PALM2AKAP2: variants seen among roughly 807,000 people sequenced by gnomAD.
The protein encoded by PALM2AKAP2 is PALM2 and AKAP2 fusion.
A neutral mutation model predicts 71.5 loss-of-function variants in PALM2AKAP2; 37 were observed. The ratio of observed to expected loss-of-function variants is 0.52; its 90% confidence interval spans 0.40 to 0.68. PALM2AKAP2 has a LOEUF of 0.68. PALM2AKAP2 is among the 30% of genes least tolerant of loss of function. PALM2AKAP2 has a pLI of 0.00. For synonymous variants in PALM2AKAP2, 468 were observed against 478.8 expected, an observed-to-expected ratio of 0.98 and a Z score of 0.29; for missense variants, 1,224 against 1,191.8, an observed-to-expected ratio of 1.03 and a Z score of -0.40.
chr9:109,934,727 G>A (rs896735725), intron 6 of PALM2AKAP2, among the ~76,000 whole-genome samples: 8 of 152,326 alleles, frequency 5.3e-5, no homozygotes, highest in Non-Finnish European at 1.0e-4. Context: ...CATTTCATGT[G>A]TGCCACTGCT....
chr9:109,870,015 G>C (rs1290132105), intron 2 of PALM2AKAP2, among the ~76,000 whole-genome samples: 1 of 152,132 alleles, frequency 6.6e-6, no homozygotes, highest in African/African-American at 2.4e-5. Context: ...AAGCTCAGAG[G>C]TTCCAAAGGT....
intron 1 of PALM2AKAP2, among the ~76,000 whole-genome samples, chr9:110,068,198 G>A (rs1416167700): frequency 6.9e-6 from 1 of 144,546 alleles, no homozygotes; most frequent in Non-Finnish European, 1.5e-5. Context: ...TCTTAGTTAA[G>A]TAAACTTTCA....
At chr9:110,109,928 G>C (rs900198604) in intron 1 of PALM2AKAP2, among the ~76,000 whole-genome samples, 1 of 152,218 alleles carries the variant, frequency 6.6e-6, no homozygotes, top group Non-Finnish European at 1.5e-5. Flanking sequence ...GTTGGAGAGA[G>C]GGACTGGCTG....
chr9:110,055,241 G>C (rs2132522737), intron 1 of PALM2AKAP2, among the ~76,000 whole-genome samples: 1 of 151,698 alleles, frequency 6.6e-6, no homozygotes, highest in South Asian at 2.1e-4. Flanking sequence ...TGTTGCCCAG[G>C]CTGGAGTGCA....
intron 1 of PALM2AKAP2, among the ~76,000 whole-genome samples, chr9:109,644,682 C>G (rs1470100259): frequency 6.6e-6 from 1 of 152,218 alleles, no homozygotes; most frequent in African/African-American, 2.4e-5. Context: ...CCCAAGTCAC[C>G]TCTTGAATGC....
intron 1 of PALM2AKAP2, among the ~76,000 whole-genome samples, chr9:109,807,815 T>C (rs1827621920): frequency 6.6e-6 from 1 of 152,172 alleles, no homozygotes; most frequent in South Asian, 2.1e-4. Context: ...TGGGAAGGAC[T>C]ATGTGGGAGA....
intron 1 of PALM2AKAP2, among the ~76,000 whole-genome samples, chr9:109,739,332 C>T (rs984146753): frequency 6.6e-6 from 1 of 152,016 alleles, no homozygotes. Flanking sequence ...GAAGTGTGGC[C>T]TCATGTTTTA....
intron 1 of PALM2AKAP2, among the ~76,000 whole-genome samples, chr9:110,127,391 G>T (rs1023838118): frequency 1.3e-5 from 2 of 152,150 alleles, no homozygotes; most frequent in African/African-American, 4.8e-5. Context: ...GCCAGGAGGG[G>T]AGGCTCTAGC....
chr9:109,952,123 A>C (rs1042346554), intron 6 of PALM2AKAP2, among the ~76,000 whole-genome samples: 1 of 152,266 alleles, frequency 6.6e-6, no homozygotes, highest in South Asian at 2.1e-4. Context: ...TCTCTGTTAC[A>C]ACTACTCAGC....
At chr9:109,941,927 G>A (rs1831380556) in intron 6 of PALM2AKAP2, among the ~76,000 whole-genome samples, 1 of 152,162 alleles carries the variant, frequency 6.6e-6, no homozygotes, top group African/African-American at 2.4e-5. Context: ...GATGGGAAAG[G>A]TATTAATGGA....
chr9:109,756,769 T>C (rs900426644), intron 1 of PALM2AKAP2, among the ~76,000 whole-genome samples: 15 of 152,188 alleles, frequency 9.9e-5, no homozygotes, highest in African/African-American at 3.4e-4. Flanking sequence ...ATTTATCATA[T>C]ACTGATTGCT....
intron 1 of PALM2AKAP2, among the ~76,000 whole-genome samples, chr9:109,658,090 G>T (rs553917023): frequency 1.3e-5 from 2 of 152,196 alleles, no homozygotes; most frequent in South Asian, 2.1e-4. Flanking sequence ...ACCCTTGTTT[G>T]GGGGTGGGAA....
intron 1 of PALM2AKAP2, among the ~76,000 whole-genome samples, chr9:109,655,293 G>A (rs1264858154): frequency 1.3e-5 from 1 of 77,574 alleles, no homozygotes. Context: ...AGCGAGACTC[G>A]GTCTCAAAAA....
In PALM2AKAP2 at chr9:110,122,087, T is replaced by G. The variant is rs562716285; in HGVS notation, c.157-14040T>G. Among the ~76,000 whole-genome samples, 208 of 152,326 alleles carry G rather than the reference T, an allele frequency of 1.4e-3. 2 individuals carry two copies. The highest frequency in any genetic ancestry group is 4.9e-3 in the African/African-American group (204 of 41,564). ...CATTACAGACACTTCTTAAGGTTTT[T>G]TCTTTTTTGATCATGGCTCACTGTA... On this transcript the variant is annotated intron_variant, in intron 1 of 3. Transcript: ENST00000374525.
At chr9:109,813,429 C>T (rs939030032) in intron 1 of PALM2AKAP2, among the ~76,000 whole-genome samples, 1 of 152,168 alleles carries the variant, frequency 6.6e-6, no homozygotes, top group Non-Finnish European at 1.5e-5. Flanking sequence ...CCTCTGGTTG[C>T]GTTGTTCATC....
intron 1 of PALM2AKAP2, among the ~76,000 whole-genome samples, chr9:109,788,146 C>T (rs1172702190): frequency 6.6e-6 from 1 of 152,178 alleles, no homozygotes; most frequent in African/African-American, 2.4e-5. Context: ...TCAACCAAAA[C>T]AAATCTAAAC....
At chr9:110,135,417 T>A (rs1835841358) in intron 1 of PALM2AKAP2, among the ~76,000 whole-genome samples, 1 of 147,950 alleles carries the variant, frequency 6.8e-6, no homozygotes. Context: ...GTTTTCTTAT[T>A]GAATCACAAA....
At chr9:109,882,526 A>G (rs1829875632) in intron 3 of PALM2AKAP2, among the ~76,000 whole-genome samples, 1 of 152,262 alleles carries the variant, frequency 6.6e-6, no homozygotes, top group African/African-American at 2.4e-5. Context: ...GTTACCAACC[A>G]TTTATATCAT....
intron 3 of PALM2AKAP2, among the ~76,000 whole-genome samples, chr9:109,917,784 G>A (rs72753094): frequency 0.096 from 14,547 of 152,148 alleles, 843 homozygotes; most frequent in East Asian, 0.17. Context: ...ATGAGCCACC[G>A]CACCCAGCCC....
Sources: gnomAD v4.1 joint callset for allele counts (sites outside exome capture counted in the v4.1 genomes callset) on GRCh38, gnomAD v4.1.1 for gene constraint, MANE v1.5 for transcripts, NCBI Gene and HGNC (gene_info 2026-07-23, HGNC 2026-07-21) for gene names.